Variants in PHF12 observed in about 807,000 individuals in gnomAD.
PHF12 encodes PHD factor 1.
A neutral mutation model predicts 99.8 loss-of-function variants in PHF12; 6 were observed. That is an observed-to-expected ratio of 0.06 (90% CI 0.03 to 0.12). The LOEUF is 0.12. Ranked by LOEUF, PHF12 falls within the 10% of genes least tolerant of loss-of-function variation. PHF12 has a pLI of 1.00. For missense variants in PHF12, 954 were observed against 1,300.1 expected, an observed-to-expected ratio of 0.73 and a Z score of 4.09; for synonymous variants, 480 against 514.9, an observed-to-expected ratio of 0.93 and a Z score of 0.92.
chr17:28,932,868 C>A (rs1332942907), intron 2 of PHF12, among the ~76,000 whole-genome samples: 1 of 152,192 alleles, frequency 6.6e-6, no homozygotes, highest in Non-Finnish European at 1.5e-5. Flanking sequence ...ATTGCTTGAA[C>A]CCAGGAGGTG....
chr17:28,906,451 G>A lies in PHF12; in HGVS notation c.2747C>T (p.Ala916Val). Residue 916 changes from alanine to valine, a missense_variant, in exon 15 of 15, where the codon GCC becomes GTC. By Grantham distance (64) the Ala-to-Val change is moderately conservative (BLOSUM62 0). Around this residue, in one of 8 missense-constraint regions of PHF12, gnomAD observed 136 missense variants for 172.3 expected, o/e 0.79. Transcript: ENST00000332830. The surrounding 1 kb of genome is among the most constrained non-coding windows in gnomAD (Gnocchi z 4.2). ...GCAGGGTCTCCGCTGCGGCCCCTGGGCCTGGGAACTCATCATGGCTGCCTC... is the reference window on the plus strand; with the variant it reads ...GCAGGGTCTCCGCTGCGGCCCCTGGACCTGGGAACTCATCATGGCTGCCTC... Reference protein sequence around the residue: ...SEEAAMMSSQAQGPQRRPCNC... With the variant: ...SEEAAMMSSQVQGPQRRPCNC... 4 of 1,613,966 alleles carry A rather than the reference G, an allele frequency of 2.5e-6. No homozygotes were observed. The highest frequency in any genetic ancestry group is 3.4e-6 in the Non-Finnish European group (4 of 1,179,978).
chr17:28,910,796 A>G, intron 10 of PHF12: 2 of 383,292 alleles, frequency 5.2e-6, no homozygotes, highest in East Asian at 5.6e-5. Context: ...TTTGGGAGTG[A>G]GGATCTTAGT....
intron 3 of PHF12, 197 bp from the exon 4 acceptor site, chr17:28,924,499 G>C: frequency 1.5e-6 from 1 of 671,482 alleles, no homozygotes; most frequent in Non-Finnish European, 2.5e-6. Context: ...CAAAACTGTT[G>C]CATCAGAGAA....
intron 2 of PHF12, among the ~76,000 whole-genome samples, chr17:28,940,354 G>A (rs2040591738): frequency 6.6e-6 from 1 of 152,218 alleles, no homozygotes; most frequent in Non-Finnish European, 1.5e-5. Flanking sequence ...TATGTAGTAC[G>A]ATTGTAGCAA....
intron 2 of PHF12, among the ~76,000 whole-genome samples, chr17:28,932,838 G>A (rs2040438510): frequency 6.6e-6 from 1 of 152,124 alleles, no homozygotes; most frequent in African/African-American, 2.4e-5. Context: ...CCCAGCTACT[G>A]GGGAAGCTGA....
At position 28,950,054 on chromosome 17, in the gene PHF12, C is replaced by T. The variant is rs761785263; in HGVS notation, c.248+11G>A. The T allele has an allele frequency of 6.2e-7, 1 of 1,606,018 alleles. No individual in the cohort carries two copies. Among genetic ancestry groups the T allele is most frequent in the Admixed American group, 1.7e-5 (1 of 59,422 alleles). The stretch of plus-strand genomic sequence containing the variant: ...CCGCCAAGAAGCTCCAAAAGGGTCC[C>T]CAGACCTTACCAGCACTGGAGGTGG... On this transcript the variant is annotated intron_variant, in intron 2 of 14. Transcript: ENST00000332830. The surrounding 1 kb of genome is among the most constrained non-coding windows in gnomAD (Gnocchi z 5.7).
In PHF12 at chr17:28,951,142, T is replaced by C; in HGVS notation, c.-182A>G. 2.1e-6 allele frequency: 3 copies of C among 1,423,498 alleles called. No homozygotes were observed. Among genetic ancestry groups the C allele is most frequent in the Non-Finnish European group, 2.7e-6 (3 of 1,091,440 alleles). The allele number at this position is 1,423,498 out of a possible 1,614,324, so 88.2% of individuals were successfully genotyped here. On this transcript the variant is annotated 5_prime_UTR_variant, in exon 1 of 15. Coordinates refer to ENST00000332830, the MANE Select transcript of PHF12 (RefSeq NM_001033561.2). ...CCCAGTCCCCGGGACGACAGCGTCC[T>C]CCCGACGGGCCGCGAGGGGGGAGCG...
intron 9 of PHF12, 156 bp from the exon 10 acceptor site, chr17:28,911,393 G>A (rs756115846): frequency 1.1e-5 from 11 of 1,043,444 alleles, no homozygotes; most frequent in Admixed American, 5.7e-5. Context: ...AGCTAAAAAC[G>A]TGTGGTGAGG....
In PHF12 at chr17:28,906,105, G is replaced by A. The variant is rs1034460609; in HGVS notation, c.*78C>T. ...TTCTGGTAGAGTATAGAAAACACCC[G>A]GGCTTGGTTTGTGTACATTTTTGCA... is the stretch of plus-strand genomic sequence containing the variant. On this transcript the variant is annotated 3_prime_UTR_variant, in exon 15 of 15. Transcript: ENST00000332830. The surrounding 1 kb of genome is among the most constrained non-coding windows in gnomAD (Gnocchi z 4.2). 1.1e-4 allele frequency: 153 copies of A among 1,408,432 alleles called. No individual in the cohort carries two copies. The highest frequency in any genetic ancestry group is 8.5e-5 in the South Asian group (6 of 70,800). 87.2% of individuals were successfully genotyped at this position (1,408,432 alleles called of 1,614,324 possible).
chr17:28,951,514 T>G lies in PHF12; in HGVS notation c.-554A>C, dbSNP rs917252812. The G allele has an allele frequency of 7.1e-6, 7 of 982,506 alleles. No individual in the cohort carries two copies. Among genetic ancestry groups the G allele is most frequent in the East Asian group, 2.3e-4 (2 of 8,548 alleles). The allele number at this position is 982,506 out of a possible 1,614,324, so 60.9% of individuals were successfully genotyped here. ...CGCGCAGGCGCCCCGGGATCGGCGC[T>G]CGCCGCGCGCAACCGCAGTGACAGC... On this transcript the variant is annotated 5_prime_UTR_variant, in exon 1 of 15. Coordinates refer to ENST00000332830, the MANE Select transcript of PHF12 (RefSeq NM_001033561.2).
chr17:28,926,176 T>G (rs1183485845), intron 3 of PHF12: 1 of 153,246 alleles, frequency 6.5e-6, no homozygotes, highest in East Asian at 1.9e-4. Context: ...CTGAAACTGT[T>G]ACACACATAA....
At chr17:28,910,551 A>G (rs2039941183) in intron 10 of PHF12, among the ~76,000 whole-genome samples, 182 bp from the exon 11 acceptor site, 1 of 152,234 alleles carries the variant, frequency 6.6e-6, no homozygotes, top group South Asian at 2.1e-4. Context: ...TGCCATTTGC[A>G]GTGAGATGGG....
At chr17:28,919,302 C>A in intron 5 of PHF12, 27 bp from the exon 6 acceptor site, 2 of 1,607,360 alleles carry the variant, frequency 1.2e-6, no homozygotes, top group South Asian at 2.2e-5. Context: ...TTGGCCATTT[C>A]TGTGGCAAGA....
At chr17:28,924,513 C>A in intron 3 of PHF12, 1 of 630,212 alleles carries the variant, frequency 1.6e-6, no homozygotes, top group South Asian at 2.0e-5. Flanking sequence ...CAGAGAATCA[C>A]CAAAAAGCAT....
At chr17:28,923,830 T>G (rs1436411918) in intron 4 of PHF12, 79 bp downstream of exon 4, 2 of 1,467,742 alleles carry the variant, frequency 1.4e-6, no homozygotes, top group Non-Finnish European at 1.8e-6. Flanking sequence ...GAACAGTGAC[T>G]CCACAGGCAG....
intron 2 of PHF12, among the ~76,000 whole-genome samples, chr17:28,938,518 G>A (rs779174318): frequency 9.9e-5 from 15 of 151,990 alleles, no homozygotes; most frequent in South Asian, 2.1e-4. Flanking sequence ...GTGAGCCACC[G>A]CACCCAGCCT....
At chr17:28,926,786 T>C (rs2040281991) in intron 3 of PHF12, 1 of 1,524,794 alleles carries the variant, frequency 6.6e-7, no homozygotes, top group Non-Finnish European at 8.8e-7. Flanking sequence ...ACACACCTCT[T>C]CTGCCCATTT....
chr17:28,950,443 C>T lies in PHF12; in HGVS notation c.67-197G>A, dbSNP rs931055312. On this transcript the variant is annotated intron_variant, in intron 1 of 14. Coordinates refer to ENST00000332830, the MANE Select transcript of PHF12 (RefSeq NM_001033561.2). The surrounding 1 kb of genome is among the most constrained non-coding windows in gnomAD (Gnocchi z 5.7). The stretch of plus-strand genomic sequence containing the variant: ...TAACCGCGTTCCTGCAGCACAACAA[C>T]GAGAACAGCTTCTTCCAAATGGGGA... 1.3e-5 allele frequency: 8 copies of T among 610,424 alleles called. No homozygotes were observed. Among genetic ancestry groups the T allele is most frequent in the Non-Finnish European group, 2.3e-5 (8 of 350,220 alleles). 37.8% of individuals were successfully genotyped at this position (610,424 alleles called of 1,614,324 possible). A position where few individuals can be genotyped will look rare whatever the true frequency, so the allele number is the denominator to read the frequency against.
chr17:28,917,808 A>G (rs1160925309), intron 6 of PHF12, among the ~76,000 whole-genome samples: 1 of 152,078 alleles, frequency 6.6e-6, no homozygotes, highest in African/African-American at 2.4e-5. Context: ...GTTTCAGAGA[A>G]GACGTATGCT....
Sources: allele counts gnomAD v4.1 joint callset (sites outside exome capture counted in the v4.1 genomes callset), GRCh38; gene constraint gnomAD v4.1.1; regional missense constraint gnomAD v4.1.1; non-coding constraint Gnocchi (gnomAD v3.1); transcripts MANE v1.5; gene names NCBI Gene and HGNC (gene_info 2026-07-23, HGNC 2026-07-21).